Variants in PCDHA9 observed in about 807,000 individuals in gnomAD.
PCDHA9 encodes protocadherin alpha-9.
Under a neutral mutation model 62.0 loss-of-function variants are expected in PCDHA9, and 62 were observed. That is an observed-to-expected ratio of 1.00 (90% confidence interval 0.81 to 1.23). PCDHA9 has a LOEUF of 1.23. Ranked by LOEUF, PCDHA9 falls within the 50% of genes most tolerant of loss-of-function variation. PCDHA9 has a pLI of 0.00. For synonymous variants in PCDHA9, 557 were observed against 567.6 expected (o/e 0.98, Z 0.27); for missense variants, 1,205 against 1,249.8 (o/e 0.96, Z 0.54).
At chr5:140,952,471 A>G (rs1324501616) in intron 1 of PCDHA9, among the ~76,000 whole-genome samples, 2 of 152,204 alleles carry the variant, frequency 1.3e-5, no homozygotes, top group African/African-American at 2.4e-5. Context: ...AAGCATAAGG[A>G]AAGTGACATT....
intron 3 of PCDHA9, among the ~76,000 whole-genome samples, chr5:140,984,397 G>A (rs1400095442): frequency 1.3e-5 from 2 of 152,112 alleles, no homozygotes; most frequent in African/African-American, 4.8e-5. Context: ...AAAATGTTGA[G>A]AACCTATCTT....
chr5:140,959,525 C>G (rs1356711808), intron 1 of PCDHA9, among the ~76,000 whole-genome samples: 1 of 151,910 alleles, frequency 6.6e-6, no homozygotes, highest in Non-Finnish European at 1.5e-5. Flanking sequence ...TCTTTAAGAC[C>G]ATTAATTCAG....
chr5:140,870,052 A>C (rs782520778), intron 1 of PCDHA9: 1 of 1,613,830 alleles, frequency 6.2e-7, no homozygotes, highest in Non-Finnish European at 8.5e-7. Flanking sequence ...GTTTTATAAA[A>C]TTGAAGTACA....
At chr5:140,881,785 C>A (rs2058831561) in intron 1 of PCDHA9, among the ~76,000 whole-genome samples, 1 of 152,202 alleles carries the variant, frequency 6.6e-6, no homozygotes, top group South Asian at 2.1e-4. Context: ...AACTACCGAT[C>A]AATTGTCCCA....
At chr5:140,963,722 T>G (rs948660694) in intron 1 of PCDHA9, among the ~76,000 whole-genome samples, 2 of 152,242 alleles carry the variant, frequency 1.3e-5, no homozygotes, top group Non-Finnish European at 2.9e-5. Flanking sequence ...ACATATAGAC[T>G]GCCAACTAAG....
chr5:140,905,427 A>G lies in PCDHA9; in HGVS notation c.2394+54538A>G, dbSNP rs185931856. 5.3e-5 allele frequency among the ~76,000 whole-genome samples: 8 copies of G among 152,298 alleles called. No homozygotes were observed. The East Asian group carries it at 1.5e-3, about 29-fold the overall frequency. ...TTTATACCAGTACCATGCTGGTTTG[A>G]TAACTACAGCCTTTTAGTATAATTT... On this transcript the variant is annotated intron_variant, in intron 1 of 3. Transcript: ENST00000532602.
chr5:140,892,910 C>T (rs1206176408), intron 1 of PCDHA9, among the ~76,000 whole-genome samples: 1 of 152,164 alleles, frequency 6.6e-6, no homozygotes, highest in Non-Finnish European at 1.5e-5. Context: ...TCCTCCTTTT[C>T]CTTCACCCTT....
intron 1 of PCDHA9, chr5:140,852,931 T>C: frequency 1.6e-6 from 1 of 623,668 alleles, no homozygotes; most frequent in Non-Finnish European, 2.1e-6. Context: ...CAGGCTGGAG[T>C]GCAGTGGTGC....
At chr5:140,958,510 G>A (rs1476919397) in intron 1 of PCDHA9, among the ~76,000 whole-genome samples, 1 of 152,114 alleles carries the variant, frequency 6.6e-6, no homozygotes, top group Non-Finnish European at 1.5e-5. Flanking sequence ...AGGCATGGCT[G>A]TCCAATATAT....
intron 1 of PCDHA9, chr5:140,856,661 C>T: frequency 6.3e-7 from 1 of 1,598,066 alleles, no homozygotes; most frequent in South Asian, 1.1e-5. Flanking sequence ...TGAAGAAAAT[C>T]CTCAGCTAAA....
chr5:140,987,709 T>TATG (rs1359366930), intron 3 of PCDHA9, among the ~76,000 whole-genome samples: 1 of 152,190 alleles, frequency 6.6e-6, no homozygotes, highest in Non-Finnish European at 1.5e-5. Flanking sequence ...TTTTTCCAGG[T>TATG]ATGAGTCTAT....
chr5:140,856,231 C>G, intron 1 of PCDHA9: 1 of 1,597,900 alleles, frequency 6.3e-7, no homozygotes. Flanking sequence ...TGGTGCAGCG[C>G]CTGTTCCGGG....
chr5:140,972,056 G>A (rs995898254), intron 1 of PCDHA9, among the ~76,000 whole-genome samples: 8 of 152,106 alleles, frequency 5.3e-5, no homozygotes, highest in Non-Finnish European at 1.2e-4. Flanking sequence ...TCACCTAGTC[G>A]TATATATTAA....
At chr5:140,875,958 C>G (rs1312300687) in intron 1 of PCDHA9, 4 of 1,614,080 alleles carry the variant, frequency 2.5e-6, no homozygotes, top group Non-Finnish European at 3.4e-6. Flanking sequence ...ATGCGGATAT[C>G]GGCGTAAACT....
At chr5:140,954,919 C>A (rs246021) in intron 1 of PCDHA9, among the ~76,000 whole-genome samples, 85,722 of 151,952 alleles carry the variant, frequency 0.56, 24,790 homozygotes, top group African/African-American at 0.69. Flanking sequence ...TTATGAATTA[C>A]GTCTTTAATT....
intron 3 of PCDHA9, among the ~76,000 whole-genome samples, chr5:140,984,755 A>G (rs1554246508): frequency 6.6e-6 from 1 of 152,172 alleles, no homozygotes; most frequent in Admixed American, 6.5e-5. Flanking sequence ...TTTGAGTTGA[A>G]TTCTAATCCC....
intron 3 of PCDHA9, among the ~76,000 whole-genome samples, chr5:141,004,121 C>T (rs1250923202): frequency 6.6e-6 from 1 of 152,230 alleles, no homozygotes; most frequent in Non-Finnish European, 1.5e-5. Flanking sequence ...AAGGGAGTAT[C>T]TCCATGATTC....
Position 140,849,759 on chromosome 5 carries a change from G to A in PCDHA9, c.1264G>A (p.Glu422Lys), listed in dbSNP as rs140660802. The change falls in exon 1 of 4, where the codon GAG becomes AAG. Residue 422 changes from glutamate to lysine, a missense_variant. By Grantham distance (56) the Glu-to-Lys change is moderately conservative. Coordinates refer to ENST00000532602, the MANE Select transcript of PCDHA9 (RefSeq NM_031857.2). Reference sequence around the variant, plus strand: ...GGACCGCGAGAGTGTGTCCGCCTACGAGCTGGTGGTTACCGCGCGGGACGG... The same window carrying A: ...GGACCGCGAGAGTGTGTCCGCCTACAAGCTGGTGGTTACCGCGCGGGACGG... Reference protein sequence around the residue: ...ALDRESVSAYELVVTARDGGS... With the variant: ...ALDRESVSAYKLVVTARDGGS... The A allele has an allele frequency of 1.8e-5, 29 of 1,598,444 alleles. 5 individuals are homozygous for A. The Admixed American group carries it at 3.9e-4, about 21-fold the overall frequency.
intron 1 of PCDHA9, among the ~76,000 whole-genome samples, chr5:140,944,151 A>G (rs2093615419): frequency 6.6e-6 from 1 of 152,070 alleles, no homozygotes; most frequent in African/African-American, 2.4e-5. Flanking sequence ...GAAGAGTTGA[A>G]AATTAAAGGG....
Sources: gnomAD v4.1 joint callset for allele counts (sites outside exome capture counted in the v4.1 genomes callset) on GRCh38, gnomAD v4.1.1 for gene constraint, MANE v1.5 for transcripts, NCBI Gene and HGNC (gene_info 2026-07-23, HGNC 2026-07-21) for gene names.